Variants in NEK9 observed in about 807,000 individuals in gnomAD.
NEK9 encodes the protein serine/threonine-protein kinase Nek9.
Under a neutral mutation model 123.4 loss-of-function variants are expected in NEK9, and 75 were observed. The observed-to-expected ratio is 0.61, with a 90% CI of 0.50 to 0.74. NEK9 has a LOEUF of 0.74. Among genes scored for constraint, NEK9 ranks in the 30% least tolerant of loss-of-function variants. The pLI, the probability that NEK9 is intolerant of heterozygous loss-of-function variation, is 0.00. For missense variants in NEK9, 952 were observed against 1,214.4 expected (o/e 0.78, Z 3.21); for synonymous variants, 438 against 458.7 (o/e 0.95, Z 0.58).
chr14:75,098,371 T>G (rs1894458401), intron 16 of NEK9, among the ~76,000 whole-genome samples: 1 of 152,176 alleles, frequency 6.6e-6, no homozygotes, highest in Non-Finnish European at 1.5e-5. Flanking sequence ...ACAACAGGCA[T>G]GAAGGCATGA....
chr14:75,087,389 A>C (rs1033435646), intron 20 of NEK9, among the ~76,000 whole-genome samples, 159 bp from the exon 21 acceptor site: 2 of 152,268 alleles, frequency 1.3e-5, no homozygotes, highest in African/African-American at 4.8e-5. Context: ...TGCTAGGATT[A>C]TAACAGCGAT....
chr14:75,126,579 A>G, intron 1 of NEK9, 124 bp downstream of exon 1: 1 of 632,398 alleles, frequency 1.6e-6, no homozygotes, highest in Non-Finnish European at 2.5e-6. Flanking sequence ...GAAGACCCTA[A>G]GACATATACC....
chr14:75,089,702 A>ATTT (rs781617599), intron 19 of NEK9, among the ~76,000 whole-genome samples: 8 of 137,264 alleles, frequency 5.8e-5, no homozygotes, highest in African/African-American at 1.9e-4. Context: ...TGCCCAGCTA[A>ATTT]TTTTTTTTTT....
intron 9 of NEK9, among the ~76,000 whole-genome samples, chr14:75,110,120 C>G (rs1358425304): frequency 6.6e-6 from 1 of 152,222 alleles, no homozygotes; most frequent in African/African-American, 2.4e-5. Flanking sequence ...TTTCCACATT[C>G]ATCATGGTAA....
At chr14:75,117,558 G>C (rs76394336) in intron 5 of NEK9, among the ~76,000 whole-genome samples, 1,991 of 152,248 alleles carry the variant, frequency 0.013, 49 homozygotes, top group African/African-American at 0.046. Context: ...AGGAACTGTG[G>C]TAACTTGAGG....
intron 19 of NEK9, among the ~76,000 whole-genome samples, chr14:75,089,543 A>G (rs1271448040): frequency 2.1e-5 from 3 of 144,972 alleles, no homozygotes; most frequent in African/African-American, 5.1e-5. Context: ...TTATTTATCT[A>G]TTTATTTTTT....
At position 75,121,132 on chromosome 14, in the gene NEK9, A is replaced by T. The variant is rs1160844047; in HGVS notation, c.440T>A (p.Leu147Ter). ...AATATGAATTACCTCTTCCTCAAAC[A>T]ACTTGTCCTTCTGACGAAGGATTTT... ...YDKILRQKDK[L>*]FEEEMVVWYL... Residue 147 changes from leucine (L) to a stop codon, truncating the protein, a stop_gained, in exon 3 of 22, where the codon TTG (leucine) becomes TAG (stop). Coordinates refer to ENST00000238616, the MANE Select transcript of NEK9 (RefSeq NM_033116.6). LOFTEE classifies it high-confidence loss of function. 2 of 1,613,180 alleles carry T rather than the reference A, an allele frequency of 1.2e-6. No homozygotes were observed. The highest frequency in any genetic ancestry group is 1.7e-5 in the Admixed American group (1 of 60,020).
intron 1 of NEK9, among the ~76,000 whole-genome samples, chr14:75,124,775 C>CTTT (rs34921975): frequency 7.2e-5 from 9 of 124,988 alleles, no homozygotes; most frequent in Non-Finnish European, 1.3e-4. Context: ...TGTCTACTAT[C>CTTT]TTTTTTTTTT....
intron 20 of NEK9, among the ~76,000 whole-genome samples, chr14:75,088,240 A>T (rs1010697333): frequency 6.6e-6 from 1 of 152,238 alleles, no homozygotes; most frequent in Non-Finnish European, 1.5e-5. Flanking sequence ...TCTGAGGCAG[A>T]GGGAAAAGAC....
rs1454707074 is a variant in NEK9, at chr14:75,084,422, C to G, written c.*142G>C. 1 of 937,648 alleles carries G rather than the reference C, an allele frequency of 1.1e-6. No individual in the cohort carries two copies. The allele number at this position is 937,648 out of a possible 1,614,324, so 58.1% of individuals were successfully genotyped here. ...AAGGCAATGCCACTCTCCAAATGTA[C>G]AAGGAAAGTGCTTCAGAGCCTCTGC... On this transcript the variant is annotated 3_prime_UTR_variant, in exon 22 of 22. Coordinates refer to ENST00000238616, the MANE Select transcript of NEK9 (RefSeq NM_033116.6).
At chr14:75,115,039 G>A (rs1012736030) in intron 6 of NEK9, among the ~76,000 whole-genome samples, 23 of 146,922 alleles carry the variant, frequency 1.6e-4, no homozygotes, top group African/African-American at 5.7e-4. Flanking sequence ...ATATGTATAT[G>A]TGCATGTGTA....
intron 4 of NEK9, among the ~76,000 whole-genome samples, chr14:75,119,702 C>G (rs541024092): frequency 6.6e-6 from 1 of 152,296 alleles, no homozygotes; most frequent in South Asian, 2.1e-4. Context: ...CTACATGTCC[C>G]TGCAATGATA....
In NEK9 at chr14:75,083,030, G is replaced by T. The variant is rs1430056442; in HGVS notation, c.*1534C>A. The stretch of plus-strand genomic sequence containing the variant: ...AGAGTTGCCTGTCCCGAGCAATGGG[G>T]TTCTCCCCAAGCATCAGCCTTTATG... On this transcript the variant is annotated 3_prime_UTR_variant, in exon 22 of 22. Transcript: ENST00000238616. 2.5e-6 allele frequency: 1 copy of T among 398,478 alleles called. No individual in the cohort carries two copies. Among genetic ancestry groups the T allele is most frequent in the Non-Finnish European group, 4.4e-6 (1 of 226,078 alleles). The allele number at this position is 398,478 out of a possible 1,614,324, so 24.7% of individuals were successfully genotyped here.
At chr14:75,126,241 T>C (rs889016780) in intron 1 of NEK9, among the ~76,000 whole-genome samples, 3 of 151,510 alleles carry the variant, frequency 2.0e-5, no homozygotes, top group African/African-American at 7.3e-5. Context: ...AATAACGGAG[T>C]TGCCACGGGT....
chr14:75,096,006 G>A (rs1354782022), intron 17 of NEK9, among the ~76,000 whole-genome samples: 1 of 152,148 alleles, frequency 6.6e-6, no homozygotes, highest in Non-Finnish European at 1.5e-5. Context: ...CTTCTTGGCC[G>A]GGTTCAGTGG....
At chr14:75,103,700 G>A in intron 14 of NEK9, 142 bp downstream of exon 14, 2 of 838,130 alleles carry the variant, frequency 2.4e-6, no homozygotes, top group South Asian at 2.0e-5. Flanking sequence ...CTTTGTGGCT[G>A]GCTTCTTTTT....
chr14:75,125,001 C>T (rs547321730), intron 1 of NEK9, among the ~76,000 whole-genome samples: 123 of 150,410 alleles, frequency 8.2e-4, no homozygotes, highest in Non-Finnish European at 1.6e-3. Flanking sequence ...TCTAGAACTC[C>T]TGGCCTCAAG....
At position 75,104,586 on chromosome 14, in the gene NEK9, G is replaced by C. The variant is rs140630803; in HGVS notation, c.1576-589C>G. Among the ~76,000 whole-genome samples the C allele has an allele frequency of 2.6e-4, 39 of 152,000 alleles. No homozygotes were observed. In the East Asian group the frequency reaches 7.2e-3, roughly 28 times the overall value. ...AACCTCTGCCTCCCAGGTTCAAAGCGATTCTCCTGCCTCAGCCTCTTGAGT... is the reference window on the plus strand; with the variant it reads ...AACCTCTGCCTCCCAGGTTCAAAGCCATTCTCCTGCCTCAGCCTCTTGAGT... On this transcript the variant is annotated intron_variant, in intron 13 of 21. Transcript: ENST00000238616.
intron 21 of NEK9, among the ~76,000 whole-genome samples, chr14:75,085,578 C>G (rs566119271): frequency 2.0e-5 from 3 of 152,156 alleles, no homozygotes; most frequent in Non-Finnish European, 4.4e-5. Flanking sequence ...CTAATCAAGC[C>G]TTAGGTTAAA....
Sources: allele counts gnomAD v4.1 joint callset (sites outside exome capture counted in the v4.1 genomes callset), GRCh38; gene constraint gnomAD v4.1.1; transcripts MANE v1.5; gene names NCBI Gene and HGNC (gene_info 2026-07-23, HGNC 2026-07-21).